Variants in EPHA6 observed in about 807,000 individuals in gnomAD.
The protein encoded by EPHA6 is EPH receptor A6.
A neutral mutation model predicts 112.0 loss-of-function variants in EPHA6; 50 were observed. That is an observed-to-expected ratio of 0.45 (90% CI 0.36 to 0.56). The LOEUF is 0.56. EPHA6 is among the 20% of genes least tolerant of loss of function. The pLI is 0.00. For missense variants in EPHA6, 1,280 were observed against 1,417.4 expected (o/e 0.90, Z 1.56); for synonymous variants, 529 against 490.7 (o/e 1.08, Z -1.03).
chr3:97,676,867 G>C (rs1240173178), intron 14 of EPHA6, among the ~76,000 whole-genome samples: 1 of 152,116 alleles, frequency 6.6e-6, no homozygotes, highest in Non-Finnish European at 1.5e-5. Flanking sequence ...TAAAATCGAG[G>C]ATGAAGAAGG....
At chr3:97,059,364 A>G (rs979935282) in intron 3 of EPHA6, among the ~76,000 whole-genome samples, 1 of 152,156 alleles carries the variant, frequency 6.6e-6, no homozygotes, top group African/African-American at 2.4e-5. Flanking sequence ...CAGACCCCTT[A>G]GGGCATTCCT....
intron 10 of EPHA6, among the ~76,000 whole-genome samples, chr3:97,497,761 C>T (rs569277867): frequency 2.1e-4 from 32 of 151,350 alleles, no homozygotes; most frequent in South Asian, 1.5e-3. Context: ...TATGCATGTG[C>T]GGGGTTAATT....
chr3:97,718,007 C>A (rs2107786459), intron 14 of EPHA6, among the ~76,000 whole-genome samples: 2 of 152,272 alleles, frequency 1.3e-5, no homozygotes, highest in African/African-American at 4.8e-5. Flanking sequence ...GCTAGCAAGT[C>A]ACACTCTTAC....
chr3:97,123,056 G>C (rs2108307328), intron 3 of EPHA6, among the ~76,000 whole-genome samples: 1 of 151,800 alleles, frequency 6.6e-6, no homozygotes, highest in East Asian at 1.9e-4. Context: ...GCTGTTTTTA[G>C]GTTTATCAAA....
chr3:97,180,843 T>C (rs2076968069), intron 3 of EPHA6, among the ~76,000 whole-genome samples: 1 of 152,148 alleles, frequency 6.6e-6, no homozygotes, highest in South Asian at 2.1e-4. Context: ...ATGCCAGCCC[T>C]CCCTTGGCTG....
intron 1 of EPHA6, among the ~76,000 whole-genome samples, chr3:96,840,453 T>C (rs762237609): frequency 8.5e-5 from 13 of 152,112 alleles, no homozygotes; most frequent in Non-Finnish European, 1.3e-4. Flanking sequence ...CTGTCAGTAG[T>C]CCAAACCACT....
At chr3:96,920,357 T>G (rs141653393) in intron 2 of EPHA6, among the ~76,000 whole-genome samples, 3,130 of 152,064 alleles carry the variant, frequency 0.021, 105 homozygotes, top group African/African-American at 0.069. Flanking sequence ...AAAAATGCCC[T>G]TATATTATAC....
At chr3:97,451,130 G>A (rs1185223818) in intron 7 of EPHA6, among the ~76,000 whole-genome samples, 1 of 151,896 alleles carries the variant, frequency 6.6e-6, no homozygotes, top group African/African-American at 2.4e-5. Flanking sequence ...AGTTACACAG[G>A]GGCCAAACCA....
intron 11 of EPHA6, among the ~76,000 whole-genome samples, chr3:97,583,842 A>G (rs1374619008): frequency 1.3e-5 from 2 of 152,196 alleles, no homozygotes; most frequent in Non-Finnish European, 2.9e-5. Context: ...GTCTGACCTC[A>G]GGGAAAAAAC....
At chr3:97,526,457 T>C (rs971655851) in intron 10 of EPHA6, among the ~76,000 whole-genome samples, 4 of 136,522 alleles carry the variant, frequency 2.9e-5, no homozygotes, top group African/African-American at 8.4e-5. Context: ...GTGGAACTGA[T>C]GTTGGCAAGC....
chr3:96,985,413 A>ATTT (rs959004516), intron 2 of EPHA6, among the ~76,000 whole-genome samples: 4 of 152,070 alleles, frequency 2.6e-5, no homozygotes, highest in Non-Finnish European at 5.9e-5. Context: ...ATTATATCAT[A>ATTT]TTTTTTACTA....
intron 2 of EPHA6, among the ~76,000 whole-genome samples, chr3:96,944,540 A>C (rs1318470179): frequency 6.6e-6 from 1 of 152,180 alleles, no homozygotes; most frequent in Non-Finnish European, 1.5e-5. Flanking sequence ...CATGTATATC[A>C]GGCATCTTAT....
At chr3:97,443,155 G>A (rs904088157) in intron 6 of EPHA6, among the ~76,000 whole-genome samples, 16 of 152,022 alleles carry the variant, frequency 1.1e-4, no homozygotes, top group African/African-American at 3.6e-4. Flanking sequence ...ATGAATGTGA[G>A]TGTGTACATT....
rs1338008041 is a variant in EPHA6, at chr3:97,757,395, T to C, written c.*8694T>C. 2.0e-5 allele frequency among the ~76,000 whole-genome samples: 3 copies of C among 151,786 alleles called. No individual in the cohort carries two copies. Among genetic ancestry groups the C allele is most frequent in the African/African-American group, 7.2e-5 (3 of 41,430 alleles). ...GGAAAAAGTTCATTTTAAAAATGTTTTGTAATGGAACAAGTCATCAAAATT... is the reference window on the plus strand; with the variant it reads ...GGAAAAAGTTCATTTTAAAAATGTTCTGTAATGGAACAAGTCATCAAAATT... On this transcript the variant is annotated 3_prime_UTR_variant, in exon 18 of 18. Coordinates refer to ENST00000389672, the MANE Select transcript of EPHA6 (RefSeq NM_001080448.3).
At chr3:97,497,634 T>C (rs182674559) in intron 10 of EPHA6, among the ~76,000 whole-genome samples, 4 of 152,326 alleles carry the variant, frequency 2.6e-5, no homozygotes, top group Non-Finnish European at 4.4e-5. Flanking sequence ...GTAGGCACTA[T>C]ATAAATTTTA....
At chr3:97,208,646 C>T (rs1415825580) in intron 3 of EPHA6, among the ~76,000 whole-genome samples, 1 of 151,948 alleles carries the variant, frequency 6.6e-6, no homozygotes, top group Non-Finnish European at 1.5e-5. Flanking sequence ...ACTTGGCAGG[C>T]TGAGGCACAA....
At chr3:96,874,354 TAGAA>T (rs987801087) in intron 2 of EPHA6, among the ~76,000 whole-genome samples, 3 of 152,134 alleles carry the variant, frequency 2.0e-5, no homozygotes, top group Non-Finnish European at 4.4e-5. Context: ...TTAATTATCT[TAGAA>T]AGGAACTAAA....
At chr3:97,238,386 C>A (rs2078741871) in intron 4 of EPHA6, among the ~76,000 whole-genome samples, 2 of 151,904 alleles carry the variant, frequency 1.3e-5, no homozygotes, top group South Asian at 4.1e-4. Flanking sequence ...AAAATTTGTA[C>A]TATGTGCAAT....
At chr3:97,685,554 C>A (rs113659914) in intron 14 of EPHA6, among the ~76,000 whole-genome samples, 7 of 152,186 alleles carry the variant, frequency 4.6e-5, no homozygotes, top group South Asian at 2.1e-4. Context: ...CAGAGGCCTC[C>A]ACCATCTGAA....
Sources: allele counts gnomAD v4.1 joint callset (sites outside exome capture counted in the v4.1 genomes callset), GRCh38; gene constraint gnomAD v4.1.1; transcripts MANE v1.5; gene names NCBI Gene and HGNC (gene_info 2026-07-23, HGNC 2026-07-21).